Variants in UTS2B observed in about 807,000 individuals in gnomAD.
UTS2B encodes the protein urotensin 2B, also known as urotensin-2B.
Under a neutral mutation model 19.2 loss-of-function variants are expected in UTS2B, and 21 were observed. That is an observed-to-expected ratio of 1.09 (90% CI 0.78 to 1.58). The LOEUF is 1.58. UTS2B is among the 40% of genes most tolerant of loss of function. UTS2B has a pLI of 0.00. For missense variants in UTS2B, 138 were observed against 130.3 expected (o/e 1.06, Z -0.29); for synonymous variants, 57 against 50.2 (o/e 1.14, Z -0.58).
chr3:191,342,228 G>C, the UTS2B span, among the ~76,000 whole-genome samples: 2 of 152,192 alleles, frequency 1.3e-5, no homozygotes, highest in Non-Finnish European at 2.9e-5. Flanking sequence ...TATCAGAATG[G>C]AATTGCCAGT....
intron 3 of UTS2B, among the ~76,000 whole-genome samples, chr3:191,311,873 C>A (rs183232711): frequency 6.6e-6 from 1 of 152,170 alleles, no homozygotes; most frequent in African/African-American, 2.4e-5. Context: ...AGTGCAGTGG[C>A]TCACGCCTGT....
upstream of UTS2B, among the ~76,000 whole-genome samples, chr3:191,333,863 C>G (rs549520979): frequency 2.0e-5 from 3 of 151,884 alleles, no homozygotes; most frequent in Non-Finnish European, 2.9e-5. Flanking sequence ...ATAAAAACTT[C>G]GAATTTTTTT....
intron 8 of UTS2B, among the ~76,000 whole-genome samples, chr3:191,271,202 A>C (rs1211386687): frequency 4.0e-5 from 3 of 75,414 alleles, no homozygotes; most frequent in Admixed American, 1.6e-4. Context: ...GACTCTCTCA[A>C]AAAAAAAAAA....
At chr3:191,312,681 A>G (rs539079300) in intron 3 of UTS2B, among the ~76,000 whole-genome samples, 4 of 152,330 alleles carry the variant, frequency 2.6e-5, no homozygotes, top group African/African-American at 7.2e-5. Flanking sequence ...GTAATTTGCC[A>G]TTTCACTTGA....
the UTS2B span, among the ~76,000 whole-genome samples, chr3:191,338,213 T>C: frequency 5.3e-5 from 8 of 152,240 alleles, no homozygotes; most frequent in Admixed American, 6.5e-5. Flanking sequence ...GAGTCCATGA[T>C]TGACTTTAAG....
intron 3 of UTS2B, among the ~76,000 whole-genome samples, chr3:191,312,380 T>C (rs925313136): frequency 3.9e-5 from 6 of 152,288 alleles, no homozygotes; most frequent in Non-Finnish European, 5.9e-5. Context: ...GGTTATTACA[T>C]GGTCTTTATG....
intron 4 of UTS2B, among the ~76,000 whole-genome samples, chr3:191,296,093 C>T (rs1464484462): frequency 6.6e-6 from 1 of 152,176 alleles, no homozygotes; most frequent in Non-Finnish European, 1.5e-5. Flanking sequence ...GAAAATCCTA[C>T]ATTACCCGCC....
intron 4 of UTS2B, among the ~76,000 whole-genome samples, chr3:191,282,645 A>G (rs10937469): frequency 0.51 from 76,851 of 152,056 alleles, 21,176 homozygotes; most frequent in Middle Eastern, 0.63. Flanking sequence ...AGGGCAGGTG[A>G]AAATGGGAAC....
intron 3 of UTS2B, among the ~76,000 whole-genome samples, chr3:191,312,004 T>G (rs572655812): frequency 2.5e-4 from 38 of 151,892 alleles, no homozygotes; most frequent in African/African-American, 8.2e-4. Flanking sequence ...GAAAAAAAAT[T>G]AGCCAGGTGT....
intron 2 of UTS2B, among the ~76,000 whole-genome samples, chr3:191,321,367 T>A (rs1227980146): frequency 6.6e-6 from 1 of 152,230 alleles, no homozygotes; most frequent in African/African-American, 2.4e-5. Context: ...AGATTAATAA[T>A]AGGAACTCTA....
chr3:191,326,835 G>A (rs1576939744), intron 2 of UTS2B, among the ~76,000 whole-genome samples: 2 of 152,308 alleles, frequency 1.3e-5, no homozygotes, highest in Admixed American at 6.5e-5. Flanking sequence ...GCTCAGCTTG[G>A]GGACCTATAC....
chr3:191,269,501 G>GTT (rs543202622), intron 8 of UTS2B, among the ~76,000 whole-genome samples: 3 of 141,700 alleles, frequency 2.1e-5, no homozygotes, highest in Admixed American at 7.1e-5. Context: ...TTTTTTTCAG[G>GTT]TTTTTTTTTT....
chr3:191,323,514 A>T (rs1717665278), intron 2 of UTS2B, among the ~76,000 whole-genome samples: 1 of 152,188 alleles, frequency 6.6e-6, no homozygotes, highest in Non-Finnish European at 1.5e-5. Flanking sequence ...AAGAGTAAAA[A>T]GAGGCTAGGG....
chr3:191,277,158 AAAC>A (rs548607487), intron 6 of UTS2B, among the ~76,000 whole-genome samples: 2 of 152,256 alleles, frequency 1.3e-5, no homozygotes, highest in East Asian at 1.9e-4. Flanking sequence ...AATTCTCATA[AAAC>A]AACATTAAAT....
chr3:191,320,582 A>C (rs954100157), intron 2 of UTS2B, among the ~76,000 whole-genome samples: 2 of 152,232 alleles, frequency 1.3e-5, no homozygotes, highest in African/African-American at 4.8e-5. Context: ...CAGAACCAAG[A>C]AACTGCGAAG....
intron 4 of UTS2B, among the ~76,000 whole-genome samples, chr3:191,293,874 G>A (rs1274663370): frequency 6.6e-6 from 1 of 151,776 alleles, no homozygotes; most frequent in Admixed American, 6.6e-5. Flanking sequence ...GGGGGTGGGG[G>A]AGTCGGGGCG....
intron 3 of UTS2B, among the ~76,000 whole-genome samples, chr3:191,310,868 G>T (rs1266560042): frequency 6.6e-6 from 1 of 152,160 alleles, no homozygotes; most frequent in African/African-American, 2.4e-5. Context: ...TATTTGACAA[G>T]GGGGTCACTT....
intron 2 of UTS2B, among the ~76,000 whole-genome samples, chr3:191,320,600 C>T (rs371760252): frequency 3.0e-4 from 45 of 152,258 alleles, no homozygotes; most frequent in Non-Finnish European, 5.0e-4. Context: ...AAGGAGGCTA[C>T]GGCCAAAACC....
At chr3:191,312,696 A>G (rs1157903579) in intron 3 of UTS2B, among the ~76,000 whole-genome samples, 1 of 152,198 alleles carries the variant, frequency 6.6e-6, no homozygotes, top group East Asian at 1.9e-4. Flanking sequence ...ACTTGACAAC[A>G]GAAACGAAGT....
Sources: gnomAD v4.1 joint callset for allele counts (sites outside exome capture counted in the v4.1 genomes callset) on GRCh38, gnomAD v4.1.1 for gene constraint, MANE v1.5 for transcripts, NCBI Gene and HGNC (gene_info 2026-07-23, HGNC 2026-07-21) for gene names.